TGIF2: variants seen among roughly 807,000 people sequenced by gnomAD.
TGIF2 encodes the protein TGFB induced factor homeobox 2, also known as homeobox protein TGIF2.
Under a neutral mutation model 15.1 loss-of-function variants are expected in TGIF2, and 5 were observed. The ratio of observed to expected loss-of-function variants is 0.33; its 90% CI spans 0.17 to 0.70. The LOEUF is 0.70. TGIF2 is among the 30% of genes least tolerant of loss of function. TGIF2 has a pLI of 0.67. For missense variants in TGIF2, 264 were observed against 302.5 expected (o/e 0.87, Z 0.94); for synonymous variants, 131 against 128.9 (o/e 1.02, Z -0.11).
intron 2 of TGIF2, among the ~76,000 whole-genome samples, chr20:36,584,563 T>TG (rs1466206179): frequency 6.6e-6 from 1 of 151,928 alleles, no homozygotes; most frequent in African/African-American, 2.4e-5. Context: ...TTTTTTTTTT[T>TG]TTTGAGACGG....
intron 2 of TGIF2, among the ~76,000 whole-genome samples, chr20:36,587,252 CT>C (rs1245326545): frequency 6.6e-6 from 1 of 152,200 alleles, no homozygotes; most frequent in Non-Finnish European, 1.5e-5. Flanking sequence ...AGATGCTAGG[CT>C]GCCAAGTGAT....
chr20:36,589,406 T>C (rs1431073268), intron 2 of TGIF2, among the ~76,000 whole-genome samples: 1 of 152,062 alleles, frequency 6.6e-6, no homozygotes, highest in Non-Finnish European at 1.5e-5. Flanking sequence ...TTTTTTTTTT[T>C]TTTTAAGACG....
chr20:36,590,524 A>C (rs2038748039), intron 2 of TGIF2, among the ~76,000 whole-genome samples: 1 of 151,958 alleles, frequency 6.6e-6, no homozygotes, highest in Non-Finnish European at 1.5e-5. Flanking sequence ...GTTTTCTTCC[A>C]TGTTCTGGGG....
At position 36,578,598 on chromosome 20, in the gene TGIF2, G is replaced by A. The variant is rs527441056; in HGVS notation, c.-34-143G>A. 40 of 894,442 alleles carry A rather than the reference G, an allele frequency of 4.5e-5. No homozygotes were observed. The South Asian group carries it at 5.3e-4, about 12-fold the overall frequency. 55.4% of individuals were successfully genotyped at this position (894,442 alleles called of 1,614,324 possible). A position where few individuals can be genotyped will look rare whatever the true frequency, so the allele number is the denominator to read the frequency against. Reference sequence around the variant, plus strand: ...TGGACTCATCCCTTCTAGCTTGCTCGGTCTGTGTTACGGCCTGAGATTCTG... The same window carrying A: ...TGGACTCATCCCTTCTAGCTTGCTCAGTCTGTGTTACGGCCTGAGATTCTG... On this transcript the variant is annotated intron_variant, in intron 1 of 2. Transcript: ENST00000373872.
Position 36,578,412 on chromosome 20 carries a change from C to CA in TGIF2, c.-34-313dup, listed in dbSNP as rs747225580. Among the ~76,000 whole-genome samples the CA allele has an allele frequency of 6.6e-3, 612 of 92,146 alleles. 3 individuals are homozygous for CA. The highest frequency in any genetic ancestry group is 0.019 in the Middle Eastern group (3 of 160). The allele number at this position is 92,146 out of a possible 152,430, so 60.5% of individuals were successfully genotyped here. On this transcript the variant is annotated intron_variant, in intron 1 of 2. Coordinates refer to ENST00000373872, the MANE Select transcript of TGIF2 (RefSeq NM_021809.7). ...TGGGCTACAGAGTGAGAGCCTCTCT[C>CA]AAAAAAAAAAAAAAAAGAAAAGAAA...
At chr20:36,585,222 G>A (rs566996990) in intron 2 of TGIF2, among the ~76,000 whole-genome samples, 1 of 151,620 alleles carries the variant, frequency 6.6e-6, no homozygotes, top group African/African-American at 2.4e-5. Flanking sequence ...AAAAAGCTAG[G>A]CACAGTGTCT....
rs1340383726 is a variant in TGIF2, at chr20:36,573,831, A to AG, written c.-35+91dup. On this transcript the variant is annotated intron_variant, in intron 1 of 2. Coordinates refer to ENST00000373872, the MANE Select transcript of TGIF2 (RefSeq NM_021809.7). ...GTTTCTTTTTCTCGGCCGGACGGGG[A>AG]GGGGGCGTCGTCCTGGCGCGTGCGG... 6.4e-5 allele frequency: 9 copies of AG among 141,474 alleles called. No homozygotes were observed. In the East Asian group the frequency reaches 2.0e-3, roughly 31 times the overall value. 8.8% of individuals were successfully genotyped at this position (141,474 alleles called of 1,614,324 possible).
intron 2 of TGIF2, among the ~76,000 whole-genome samples, chr20:36,590,505 A>G (rs988559890): frequency 6.6e-6 from 1 of 152,158 alleles, no homozygotes; most frequent in Non-Finnish European, 1.5e-5. Context: ...TCCCACTATG[A>G]ACCTCTGTGT....
At chr20:36,581,872 G>A (rs557213097) in intron 2 of TGIF2, among the ~76,000 whole-genome samples, 44 of 152,140 alleles carry the variant, frequency 2.9e-4, no homozygotes, top group African/African-American at 1.4e-4. Flanking sequence ...CAAGTAATCC[G>A]TCCACCTCAG....
chr20:36,578,802 G>A lies in TGIF2; in HGVS notation c.28G>A (p.Glu10Lys), dbSNP rs2038484394. Reference protein sequence around the residue: MSDSDLGEDEGLLSLAGKRK... With the variant: MSDSDLGEDKGLLSLAGKRK... ...GTCGGACAGTGATCTAGGTGAGGAC[G>A]AAGGCCTCCTCTCCCTGGCGGGCAA... The change falls in exon 2 of 3, where the codon GAA becomes AAA. Residue 10 changes from glutamate to lysine, a missense_variant. Transcript: ENST00000373872. 1.2e-6 allele frequency: 2 copies of A among 1,613,822 alleles called. No individual in the cohort carries two copies. The highest frequency in any genetic ancestry group is 1.7e-6 in the Non-Finnish European group (2 of 1,179,832).
intron 2 of TGIF2, among the ~76,000 whole-genome samples, chr20:36,580,191 C>T (rs2038515592): frequency 6.6e-6 from 1 of 152,186 alleles, no homozygotes; most frequent in Non-Finnish European, 1.5e-5. Context: ...TGCTGTCTCT[C>T]CCTCCTTCCC....
At position 36,591,551 on chromosome 20, in the gene TGIF2, TC is replaced by T. The variant is rs752757544; in HGVS notation, c.*122del. On this transcript the variant is annotated 3_prime_UTR_variant, in exon 3 of 3. Coordinates refer to ENST00000373872, the MANE Select transcript of TGIF2 (RefSeq NM_021809.7). This position sits in a 1 kb window ranked among gnomAD's most constrained non-coding sequence, Gnocchi z 5.3. ...CCAAACATTGGGATCATCTCCTCTG[TC>T]CAGAGGTCTTCAACAGGAAGATGCC... 1.7e-6 allele frequency: 2 copies of T among 1,158,496 alleles called. No homozygotes were observed. The highest frequency in any genetic ancestry group is 1.5e-5 in the African/African-American group (1 of 64,862). The allele number at this position is 1,158,496 out of a possible 1,614,324, so 71.8% of individuals were successfully genotyped here.
chr20:36,578,709 G>T, intron 1 of TGIF2, 32 bp from the exon 2 acceptor site: 1 of 1,534,988 alleles, frequency 6.5e-7, no homozygotes, highest in South Asian at 1.3e-5. Flanking sequence ...ACGTGCTAAT[G>T]ATGTTCCCAT....
At chr20:36,574,803 C>T (rs1444106131) in intron 1 of TGIF2, 2 of 152,290 alleles carry the variant, frequency 1.3e-5, no homozygotes, top group Admixed American at 1.3e-4. Flanking sequence ...CGGTCTGGGC[C>T]GCGGGGGAGG....
At chr20:36,584,317 C>G (rs140944433) in intron 2 of TGIF2, among the ~76,000 whole-genome samples, 1 of 152,322 alleles carries the variant, frequency 6.6e-6, no homozygotes, top group Non-Finnish European at 1.5e-5. Flanking sequence ...GCACCAAATT[C>G]TAGAGGTGTG....
chr20:36,586,872 A>G (rs1415217663), intron 2 of TGIF2, among the ~76,000 whole-genome samples: 1 of 152,162 alleles, frequency 6.6e-6, no homozygotes, highest in African/African-American at 2.4e-5. Context: ...TGCATTCATT[A>G]GCTGCTGCTC....
At chr20:36,582,002 G>C (rs368590509) in intron 2 of TGIF2, among the ~76,000 whole-genome samples, 1 of 152,082 alleles carries the variant, frequency 6.6e-6, no homozygotes, top group Non-Finnish European at 1.5e-5. Flanking sequence ...TTGCGAGGCC[G>C]ATGCGGGCGG....
rs386393699 is a variant in TGIF2, at chr20:36,586,700, C to CG, written c.193-4210_193-4209insG. Among the ~76,000 whole-genome samples the CG allele has an allele frequency of 3.4e-5, 5 of 147,010 alleles. No homozygotes were observed. In the South Asian group the frequency reaches 1.1e-3, roughly 32 times the overall value. ...AAGAAGTGAGACTCCATTTCCCCCCCCCCAAAAAAAAAAATCTCCCCTAAG... is the reference window on the plus strand; with the variant it reads ...AAGAAGTGAGACTCCATTTCCCCCCCGCCCAAAAAAAAAAATCTCCCCTAAG... On this transcript the variant is annotated intron_variant, in intron 2 of 2. Coordinates refer to ENST00000373872, the MANE Select transcript of TGIF2 (RefSeq NM_021809.7).
chr20:36,590,991 A>G lies in TGIF2; in HGVS notation c.274A>G (p.Thr92Ala). ...RKDGKDPNQF[T>A]ISRRGGKASD... ...GGATGGCAAAGACCCTAATCAGTTT[A>G]CCATTTCCCGCCGCGGGGGTAAGGC... The change falls in exon 3 of 3, where the codon ACC becomes GCC. Residue 92 changes from threonine (T) to alanine (A), a missense_variant. By Grantham distance (58) the Thr-to-Ala change is moderately conservative. Coordinates refer to ENST00000373872, the MANE Select transcript of TGIF2 (RefSeq NM_021809.7). The G allele has an allele frequency of 6.3e-7, 1 of 1,585,078 alleles. No individual in the cohort carries two copies. The highest frequency in any genetic ancestry group is 8.6e-7 in the Non-Finnish European group (1 of 1,160,936).
Sources: allele counts gnomAD v4.1 joint callset (sites outside exome capture counted in the v4.1 genomes callset), GRCh38; gene constraint gnomAD v4.1.1; non-coding constraint Gnocchi (gnomAD v3.1); transcripts MANE v1.5; gene names NCBI Gene and HGNC (gene_info 2026-07-23, HGNC 2026-07-21).